GALNTL6: variants seen among roughly 807,000 people sequenced by gnomAD.
The protein encoded by GALNTL6 is polypeptide N-acetylgalactosaminyltransferase-like 6.
A neutral mutation model predicts 73.7 loss-of-function variants in GALNTL6; 46 were observed. That is an observed-to-expected ratio of 0.62 (90% confidence interval 0.49 to 0.80). GALNTL6 has a LOEUF of 0.80. GALNTL6 is among the 30% of genes least tolerant of loss of function. GALNTL6 has a pLI of 0.00. For missense variants in GALNTL6, 604 were observed against 755.0 expected (o/e 0.80, Z 2.34); for synonymous variants, 259 against 263.7 (o/e 0.98, Z 0.17).
intron 5 of GALNTL6, among the ~76,000 whole-genome samples, chr4:172,474,103 G>A (rs1274202882): frequency 1.3e-5 from 2 of 152,062 alleles, no homozygotes; most frequent in Admixed American, 6.6e-5. Context: ...TTCCTTGGAT[G>A]AGTCCTTCAT....
intron 5 of GALNTL6, among the ~76,000 whole-genome samples, chr4:172,709,369 T>C (rs2111319239): frequency 6.6e-6 from 1 of 152,256 alleles, no homozygotes; most frequent in East Asian, 1.9e-4. Flanking sequence ...TTTTAGCCAG[T>C]TGAAAAAGTT....
chr4:172,194,742 A>G (rs1337617442), intron 2 of GALNTL6, among the ~76,000 whole-genome samples: 1 of 152,192 alleles, frequency 6.6e-6, no homozygotes, highest in Non-Finnish European at 1.5e-5. Context: ...AGACAAGCAA[A>G]TGCTGAAGGA....
At chr4:172,341,747 A>G (rs1182370538) in intron 4 of GALNTL6, among the ~76,000 whole-genome samples, 1 of 152,152 alleles carries the variant, frequency 6.6e-6, no homozygotes, top group Non-Finnish European at 1.5e-5. Flanking sequence ...CCCTCCCTCC[A>G]TGATTGTGAA....
Position 171,941,294 on chromosome 4 carries a change from C to T in GALNTL6, c.138+126576C>T, listed in dbSNP as rs532080089. On this transcript the variant is annotated intron_variant, in intron 2 of 12. Transcript: ENST00000506823. ...TCGCATGCTATTTCTTCACAAGTAC[C>T]ATTTGATCTTCACCCTTTATTTGAA... 2.0e-5 allele frequency among the ~76,000 whole-genome samples: 3 copies of T among 152,238 alleles called. No individual in the cohort carries two copies. In the East Asian group the frequency reaches 5.8e-4, roughly 29 times the overall value.
At chr4:172,144,822 T>C (rs1733888370) in intron 2 of GALNTL6, among the ~76,000 whole-genome samples, 1 of 152,234 alleles carries the variant, frequency 6.6e-6, no homozygotes, top group South Asian at 2.1e-4. Flanking sequence ...TACATGCTTA[T>C]AGGTACCTAC....
chr4:172,849,320 A>G (rs561531340), intron 7 of GALNTL6, among the ~76,000 whole-genome samples: 6 of 152,294 alleles, frequency 3.9e-5, no homozygotes, highest in South Asian at 4.1e-4. Flanking sequence ...TAGAATCCCA[A>G]TTGAAGGTGC....
rs34523518 is a variant in GALNTL6, at chr4:172,745,446, T to TATATATATATATATACACAC, written c.554-63914_554-63913insTATATATATATATACACACA. ...TTTTCAAAACATATATATATATATGTACACATAACTTTTATAATTAGAAAA... is the reference window on the plus strand; with the variant it reads ...TTTTCAAAACATATATATATATATGTATATATATATATATACACACACACATAACTTTTATAATTAGAAAA... On this transcript the variant is annotated intron_variant, in intron 5 of 12. Transcript: ENST00000506823. Among the ~76,000 whole-genome samples, 714 of 145,296 alleles carry TATATATATATATATACACAC rather than the reference T, an allele frequency of 4.9e-3. 7 individuals carry two copies. The highest frequency in any genetic ancestry group is 0.014 in the Middle Eastern group (4 of 284).
chr4:172,216,432 A>C (rs1399777481), intron 2 of GALNTL6, among the ~76,000 whole-genome samples: 1 of 151,810 alleles, frequency 6.6e-6, no homozygotes, highest in East Asian at 1.9e-4. Context: ...CTGTTTATCT[A>C]CTGGTAAAGC....
At chr4:172,958,365 G>T (rs1337894925) in intron 10 of GALNTL6, among the ~76,000 whole-genome samples, 1 of 152,148 alleles carries the variant, frequency 6.6e-6, no homozygotes, top group African/African-American at 2.4e-5. Context: ...TTTGGCTGTG[G>T]GTAATGGAAA....
At chr4:172,892,829 C>A (rs1304428342) in intron 8 of GALNTL6, among the ~76,000 whole-genome samples, 1 of 152,134 alleles carries the variant, frequency 6.6e-6, no homozygotes, top group Non-Finnish European at 1.5e-5. Context: ...GAAACGCTGG[C>A]AAACTGCTTT....
chr4:172,630,432 A>G (rs1327990940), intron 5 of GALNTL6, among the ~76,000 whole-genome samples: 1 of 152,104 alleles, frequency 6.6e-6, no homozygotes, highest in South Asian at 2.1e-4. Flanking sequence ...AATCGTAATT[A>G]TCTCCATCAG....
At chr4:172,700,408 AACTAATG>A (rs1465332898) in intron 5 of GALNTL6, among the ~76,000 whole-genome samples, 1 of 152,200 alleles carries the variant, frequency 6.6e-6, no homozygotes, top group Non-Finnish European at 1.5e-5. Context: ...CCTGTTAAGT[AACTAATG>A]ACCAAAGGTG....
At chr4:172,862,603 G>A (rs947859908) in intron 7 of GALNTL6, among the ~76,000 whole-genome samples, 1 of 152,178 alleles carries the variant, frequency 6.6e-6, no homozygotes, top group African/African-American at 2.4e-5. Context: ...AGGAGGCTGA[G>A]GCAGAAGAAT....
intron 2 of GALNTL6, among the ~76,000 whole-genome samples, chr4:172,061,455 A>C (rs116317566): frequency 0.013 from 2,000 of 152,156 alleles, 42 homozygotes; most frequent in African/African-American, 0.045. Flanking sequence ...AATCCCCTCA[A>C]GCTCCTTTAT....
chr4:172,269,010 C>A (rs1014103619), intron 3 of GALNTL6, among the ~76,000 whole-genome samples: 1 of 152,128 alleles, frequency 6.6e-6, no homozygotes, highest in Non-Finnish European at 1.5e-5. Context: ...GGGAGATGAG[C>A]GTGGCCCATC....
intron 7 of GALNTL6, among the ~76,000 whole-genome samples, chr4:172,882,347 T>C (rs1045034340): frequency 6.6e-6 from 1 of 152,214 alleles, no homozygotes; most frequent in Non-Finnish European, 1.5e-5. Context: ...AGTGAATGCG[T>C]ACTGAGAGAT....
chr4:172,803,613 A>G (rs1740787021), intron 5 of GALNTL6, among the ~76,000 whole-genome samples: 1 of 152,248 alleles, frequency 6.6e-6, no homozygotes, highest in Non-Finnish European at 1.5e-5. Flanking sequence ...ATAATAAGTG[A>G]TCATCACTCT....
chr4:172,496,504 A>T (rs1055239715), intron 5 of GALNTL6, among the ~76,000 whole-genome samples: 24 of 152,112 alleles, frequency 1.6e-4, no homozygotes, highest in African/African-American at 5.8e-4. Context: ...AACCTGGGCA[A>T]CATAGTGAGA....
At chr4:172,802,215 C>G (rs1740689682) in intron 5 of GALNTL6, among the ~76,000 whole-genome samples, 1 of 152,082 alleles carries the variant, frequency 6.6e-6, no homozygotes. Flanking sequence ...AGGCAGGCCT[C>G]CATAACAACA....
Sources: allele counts gnomAD v4.1 joint callset (sites outside exome capture counted in the v4.1 genomes callset), GRCh38; gene constraint gnomAD v4.1.1; transcripts MANE v1.5; gene names NCBI Gene and HGNC (gene_info 2026-07-23, HGNC 2026-07-21).